The following KCNIP4 variants were observed in gnomAD, a reference collection of about 807,000 sequenced individuals.
KCNIP4 encodes Kv channel-interacting protein 4.
A neutral mutation model predicts 34.0 loss-of-function variants in KCNIP4; 12 were observed. That is an observed-to-expected ratio of 0.35 (90% CI 0.23 to 0.57). The LOEUF (loss-of-function observed/expected upper bound fraction) is 0.57, where lower values mean the gene tolerates loss of function less well. KCNIP4 is among the 20% of genes least tolerant of loss of function. The probability of loss-of-function intolerance (pLI) is 0.83; values close to 1 mark genes in which losing one functional copy is unlikely to be tolerated. For missense variants in KCNIP4, 238 were observed against 311.7 expected (o/e 0.76, Z 1.78); for synonymous variants, 124 against 102.2 (o/e 1.21, Z -1.29).
At chr4:20,868,194 A>G (rs776773152) in intron 2 of KCNIP4, among the ~76,000 whole-genome samples, 1 of 152,106 alleles carries the variant, frequency 6.6e-6, no homozygotes, top group Non-Finnish European at 1.5e-5. Context: ...AAGGACATGA[A>G]TCAACATTTC....
chr4:21,783,481 G>C (rs1317243134), intron 1 of KCNIP4, among the ~76,000 whole-genome samples: 1 of 152,132 alleles, frequency 6.6e-6, no homozygotes, highest in African/African-American at 2.4e-5. Flanking sequence ...AGATGAAACT[G>C]AATAATTATC....
At chr4:21,538,288 C>A (rs1041820350) in intron 1 of KCNIP4, among the ~76,000 whole-genome samples, 2 of 152,020 alleles carry the variant, frequency 1.3e-5, no homozygotes, top group Non-Finnish European at 2.9e-5. Flanking sequence ...TGTTTTAAAC[C>A]ACACAGTTTG....
At chr4:21,694,914 C>CAAAAAAA (rs368053041) in intron 1 of KCNIP4, among the ~76,000 whole-genome samples, 207 of 46,342 alleles carry the variant, frequency 4.5e-3, no homozygotes, top group African/African-American at 0.013. Context: ...CACGATTGAC[C>CAAAAAAA]AAAAAAAAAA....
At chr4:21,647,688 G>C (rs1747126327) in intron 1 of KCNIP4, among the ~76,000 whole-genome samples, 1 of 151,902 alleles carries the variant, frequency 6.6e-6, no homozygotes, top group Non-Finnish European at 1.5e-5. Context: ...CTGCTAACTA[G>C]TATTCTCTCT....
chr4:21,487,555 C>A (rs966389902), intron 1 of KCNIP4, among the ~76,000 whole-genome samples: 1 of 152,022 alleles, frequency 6.6e-6, no homozygotes, highest in Non-Finnish European at 1.5e-5. Flanking sequence ...ATGTGCAGTC[C>A]ACATTTAAGG....
At chr4:21,884,189 T>C (rs1238279118) in intron 1 of KCNIP4, among the ~76,000 whole-genome samples, 1 of 152,144 alleles carries the variant, frequency 6.6e-6, no homozygotes, top group Non-Finnish European at 1.5e-5. Flanking sequence ...TTTCAAAGTA[T>C]AAGTACTTCC....
rs113563781 is a variant in KCNIP4 at position 21,177,705 on chromosome 4, A to G, written c.62-294996T>C. Among the ~76,000 whole-genome samples the G allele has an allele frequency of 6.6e-5, 10 of 151,712 alleles. 1 individual carries two copies. Among genetic ancestry groups the G allele is most frequent in the African/African-American group, 2.4e-4 (10 of 41,372 alleles). On this transcript the variant is annotated intron_variant, in intron 1 of 8. Coordinates refer to ENST00000382152, the MANE Select transcript of KCNIP4 (RefSeq NM_025221.6). ...AACAAAAACAAACAAACAAAAAACA[A>G]CAAAAATTAGCCGGGCATGGTGGTG... is the stretch of plus-strand genomic sequence containing the variant.
intron 2 of KCNIP4, among the ~76,000 whole-genome samples, chr4:20,862,594 A>C (rs574699152): frequency 6.6e-6 from 1 of 152,176 alleles, no homozygotes; most frequent in Non-Finnish European, 1.5e-5. Context: ...AAAATGCCCT[A>C]TCAAAGGAGT....
intron 1 of KCNIP4, among the ~76,000 whole-genome samples, chr4:21,384,415 C>A (rs1302273001): frequency 6.6e-6 from 1 of 152,086 alleles, no homozygotes; most frequent in African/African-American, 2.4e-5. Flanking sequence ...TAATATTAAA[C>A]CATCCAAGTT....
intron 1 of KCNIP4, among the ~76,000 whole-genome samples, chr4:21,061,816 TAA>T (rs1743947192): frequency 6.6e-6 from 1 of 152,106 alleles, no homozygotes; most frequent in African/African-American, 2.4e-5. Context: ...AAAATGTAAT[TAA>T]GTTAAAATAG....
intron 1 of KCNIP4, among the ~76,000 whole-genome samples, chr4:21,936,050 C>T (rs151196999): frequency 0.01 from 1,579 of 151,078 alleles, 25 homozygotes; most frequent in African/African-American, 0.036. Context: ...TAGCATATAT[C>T]GTATGTCTAT....
chr4:21,408,585 G>A (rs1724210993), intron 1 of KCNIP4, among the ~76,000 whole-genome samples: 1 of 152,140 alleles, frequency 6.6e-6, no homozygotes, highest in African/African-American at 2.4e-5. Context: ...ATTGTTTTCA[G>A]TGCAATTGTT....
At chr4:21,200,480 C>T (rs1393266430) in intron 1 of KCNIP4, among the ~76,000 whole-genome samples, 3 of 151,276 alleles carry the variant, frequency 2.0e-5, no homozygotes, top group Non-Finnish European at 2.9e-5. Context: ...AAAATAATGT[C>T]TTTTGCAACA....
intron 1 of KCNIP4, among the ~76,000 whole-genome samples, chr4:21,458,143 C>T: frequency 8.8e-6 from 1 of 114,080 alleles, no homozygotes; most frequent in African/African-American, 3.3e-5. Context: ...TCCCTCCCCC[C>T]TCCCCCCACC....
At chr4:21,705,384 A>T (rs1713181522) in intron 1 of KCNIP4, among the ~76,000 whole-genome samples, 1 of 152,176 alleles carries the variant, frequency 6.6e-6, no homozygotes, top group African/African-American at 2.4e-5. Flanking sequence ...TGTACACTGC[A>T]TCTCTCTGTA....
intron 1 of KCNIP4, among the ~76,000 whole-genome samples, chr4:21,854,075 A>G (rs909269021): frequency 3.3e-5 from 5 of 152,178 alleles, no homozygotes; most frequent in African/African-American, 4.8e-5. Context: ...CATAGCCCCA[A>G]TAGCACTCTG....
intron 3 of KCNIP4, among the ~76,000 whole-genome samples, chr4:20,766,258 G>A (rs1755403527): frequency 1.3e-5 from 2 of 152,130 alleles, no homozygotes; most frequent in Admixed American, 6.6e-5. Flanking sequence ...ACAGAATCAG[G>A]AAACTTGAGA....
chr4:21,777,952 T>C (rs912741797), intron 1 of KCNIP4, among the ~76,000 whole-genome samples: 2 of 152,104 alleles, frequency 1.3e-5, no homozygotes, highest in Non-Finnish European at 2.9e-5. Flanking sequence ...AATCATATAA[T>C]CTATTTTTGA....
chr4:21,610,794 C>T (rs1744096989), intron 1 of KCNIP4, among the ~76,000 whole-genome samples: 1 of 151,852 alleles, frequency 6.6e-6, no homozygotes. Context: ...AACTTACAAA[C>T]ATGGTGAAAA....
Sources: allele counts gnomAD v4.1 joint callset (sites outside exome capture counted in the v4.1 genomes callset), GRCh38; gene constraint gnomAD v4.1.1; transcripts MANE v1.5; gene names NCBI Gene and HGNC (gene_info 2026-07-23, HGNC 2026-07-21).